Variants in CCDC7 observed in about 807,000 individuals in gnomAD.
The protein encoded by CCDC7 is coiled-coil domain-containing protein 7.
CCDC7 carries 183 observed loss-of-function variants against 196.9 expected under a neutral mutation model. The observed-to-expected ratio is 0.93, with a 90% confidence interval of 0.82 to 1.05. The LOEUF (loss-of-function observed/expected upper bound fraction) is 1.05, where lower values mean the gene tolerates loss of function less well. Among genes scored for constraint, CCDC7 ranks in the 50% least tolerant of loss-of-function variants. The pLI, the probability that CCDC7 is intolerant of heterozygous loss-of-function variation, is 0.00. For missense variants in CCDC7, 1,540 were observed against 1,482.2 expected, an observed-to-expected ratio of 1.04 and a Z score of -0.64; for synonymous variants, 525 against 484.6, an observed-to-expected ratio of 1.08 and a Z score of -1.10.
chr10:32,471,183 T>C, exon 6 of CCDC7: 2 of 1,612,294 alleles, frequency 1.2e-6, no homozygotes, highest in Middle Eastern at 1.7e-4. Context: ...AGAATCGCCT[T>C]AAACAGAGGT....
intron 33 of CCDC7, among the ~76,000 whole-genome samples, chr10:32,841,247 G>A (rs768049411): frequency 7.3e-5 from 11 of 151,660 alleles, no homozygotes; most frequent in Non-Finnish European, 1.3e-4. Flanking sequence ...TACCTAGGAA[G>A]CACTAAAGAC....
At chr10:32,656,289 C>T (rs1212923375) in intron 20 of CCDC7, among the ~76,000 whole-genome samples, 1 of 152,164 alleles carries the variant, frequency 6.6e-6, no homozygotes, top group South Asian at 2.1e-4. Context: ...ATCAGCAATC[C>T]TATGTTTATT....
At chr10:32,795,608 G>T (rs2083429900) in intron 29 of CCDC7, among the ~76,000 whole-genome samples, 1 of 152,024 alleles carries the variant, frequency 6.6e-6, no homozygotes. Context: ...TTCCTTGTTT[G>T]CTGTTATTTA....
At chr10:32,687,715 A>G (rs2076618099) in intron 22 of CCDC7, among the ~76,000 whole-genome samples, 1 of 152,152 alleles carries the variant, frequency 6.6e-6, no homozygotes, top group Admixed American at 6.5e-5. Context: ...CTGTGGAAAT[A>G]GGGACGTTGG....
intron 18 of CCDC7, among the ~76,000 whole-genome samples, chr10:32,631,149 A>T (rs1326225390): frequency 3.3e-5 from 5 of 152,330 alleles, no homozygotes; most frequent in African/African-American, 1.2e-4. Context: ...AGCAAAAAAA[A>T]TTTTAATTGT....
At chr10:32,614,837 C>G (rs73257424) in intron 18 of CCDC7, among the ~76,000 whole-genome samples, 3 of 152,132 alleles carry the variant, frequency 2.0e-5, no homozygotes, top group Admixed American at 6.6e-5. Context: ...TATTTTTCCA[C>G]TCTGTGTGTC....
chr10:32,676,275 A>C (rs1403106727), intron 21 of CCDC7, among the ~76,000 whole-genome samples: 1 of 150,100 alleles, frequency 6.7e-6, no homozygotes, highest in Non-Finnish European at 1.5e-5. Context: ...CCCTAGAAGA[A>C]AACCTAGGCA....
chr10:32,620,507 T>C lies in CCDC7; in HGVS notation c.1802-13747T>C, dbSNP rs1344556568. Reference sequence around the variant, plus strand: ...GTTTTATAGTTACCCTCACATTGGATTTTTTTTTTGTGGGTAATTCCTCCG... The same window carrying C: ...GTTTTATAGTTACCCTCACATTGGACTTTTTTTTTGTGGGTAATTCCTCCG... On this transcript the variant is annotated intron_variant, in intron 18 of 41. Coordinates refer to ENST00000639629, the Ensembl canonical transcript of CCDC7. Among the ~76,000 whole-genome samples the C allele has an allele frequency of 7.8e-4, 116 of 148,320 alleles. 1 individual carries two copies. Among genetic ancestry groups the C allele is most frequent in the Non-Finnish European group, 5.9e-5 (4 of 67,270 alleles).
At chr10:32,713,404 G>A (rs1314565430) in intron 25 of CCDC7, among the ~76,000 whole-genome samples, 3 of 151,978 alleles carry the variant, frequency 2.0e-5, no homozygotes, top group African/African-American at 4.8e-5. Flanking sequence ...TCCCCACTGG[G>A]GACCTAGGGA....
At chr10:32,758,586 A>C (rs1416522419) in intron 28 of CCDC7, among the ~76,000 whole-genome samples, 1 of 152,212 alleles carries the variant, frequency 6.6e-6, no homozygotes, top group Non-Finnish European at 1.5e-5. Flanking sequence ...CTAGGTATTG[A>C]TGGGACATAT....
intron 31 of CCDC7, 109 bp downstream of exon 32, chr10:32,814,562 G>A (rs2087955385): frequency 1.4e-6 from 1 of 701,442 alleles, no homozygotes; most frequent in African/African-American, 1.8e-5. Flanking sequence ...TTATTACATA[G>A]GCAAAAGTCT....
rs56282080 is a variant in CCDC7 at position 32,717,895 on chromosome 10, C to CA, written c.2569+6181dup. Among the ~76,000 whole-genome samples the CA allele has an allele frequency of 1.4e-3, 178 of 130,408 alleles. 1 individual carries two copies. Among genetic ancestry groups the CA allele is most frequent in the African/African-American group, 4.5e-3 (152 of 33,682 alleles). The allele number at this position is 130,408 out of a possible 152,430, so 85.6% of individuals were successfully genotyped here. On this transcript the variant is annotated intron_variant, in intron 25 of 41. Coordinates refer to ENST00000639629, the Ensembl canonical transcript of CCDC7. ...ATTGAAGCAGTAATTAATAGCCTAC[C>CA]AAAAAAAAAAAAAAAAGCCCAGGGC... is the stretch of plus-strand genomic sequence containing the variant.
At chr10:32,790,823 G>A (rs1192594173) in intron 29 of CCDC7, among the ~76,000 whole-genome samples, 2 of 152,120 alleles carry the variant, frequency 1.3e-5, no homozygotes, top group East Asian at 3.9e-4. Context: ...CTGTGCCTCA[G>A]AGAGTAAACC....
intron 9 of CCDC7, among the ~76,000 whole-genome samples, chr10:32,515,134 C>G (rs1039363231): frequency 6.6e-6 from 1 of 152,168 alleles, no homozygotes; most frequent in African/African-American, 2.4e-5. Flanking sequence ...CTTTAATAAT[C>G]TTAAGATAGC....
chr10:32,861,324 G>T (rs950998721), intron 41 of CCDC7, among the ~76,000 whole-genome samples: 6 of 151,750 alleles, frequency 4.0e-5, no homozygotes, highest in African/African-American at 1.4e-4. Context: ...AATGGGGAAA[G>T]GATTCCCTAT....
At chr10:32,593,716 G>A (rs1012145545) in intron 18 of CCDC7, among the ~76,000 whole-genome samples, 2 of 152,034 alleles carry the variant, frequency 1.3e-5, no homozygotes, top group Non-Finnish European at 2.9e-5. Flanking sequence ...ATCTTGAATT[G>A]ATTTTTGTAT....
In CCDC7 at chr10:32,639,191, A is replaced by T. The variant is rs537062195; in HGVS notation, c.2014+4033A>T. ...ATCTTTTCAAAAAACCACCTCTTGG[A>T]TTCATTGATTTTTTTGAAGGGTTTT... On this transcript the variant is annotated intron_variant, in intron 20 of 41. Coordinates refer to ENST00000639629, the Ensembl canonical transcript of CCDC7. Among the ~76,000 whole-genome samples the T allele has an allele frequency of 1.8e-3, 272 of 152,000 alleles. 1 individual carries two copies. The highest frequency in any genetic ancestry group is 3.5e-3 in the Non-Finnish European group (240 of 67,982).
intron 28 of CCDC7, among the ~76,000 whole-genome samples, chr10:32,733,503 G>C (rs1198246116): frequency 6.6e-6 from 1 of 152,042 alleles, no homozygotes; most frequent in African/African-American, 2.4e-5. Flanking sequence ...ACACTAAGTA[G>C]TATGATAATT....
At chr10:32,641,740 G>A (rs1364847502) in intron 20 of CCDC7, among the ~76,000 whole-genome samples, 1 of 152,190 alleles carries the variant, frequency 6.6e-6, no homozygotes, top group Non-Finnish European at 1.5e-5. Context: ...GATTTTTAGA[G>A]TTTCCAGTTT....
Sources: allele counts gnomAD v4.1 joint callset (sites outside exome capture counted in the v4.1 genomes callset), GRCh38; gene constraint gnomAD v4.1.1; transcripts MANE v1.5; gene names NCBI Gene and HGNC (gene_info 2026-07-23, HGNC 2026-07-21).